CHRNA7: variants seen among roughly 807,000 people sequenced by gnomAD.
CHRNA7 encodes the protein cholinergic receptor nicotinic alpha 7 subunit.
Under a neutral mutation model 48.0 loss-of-function variants are expected in CHRNA7, and 17 were observed. That is an observed-to-expected ratio of 0.35 (90% CI 0.24 to 0.53). CHRNA7 has a LOEUF of 0.53. CHRNA7 is among the 20% of genes least tolerant of loss of function. The pLI, the probability that CHRNA7 is intolerant of heterozygous loss-of-function variation, is 0.92. For missense variants in CHRNA7, 155 were observed against 577.7 expected (o/e 0.27, Z 7.50); for synonymous variants, 75 against 242.3 (o/e 0.31, Z 6.41).
intron 2 of CHRNA7, among the ~76,000 whole-genome samples, chr15:32,066,751 AT>A (rs2141212147): frequency 6.6e-6 from 1 of 152,330 alleles, no homozygotes; most frequent in African/African-American, 2.4e-5. Context: ...TAAACCAGTT[AT>A]TTTATATATG....
At chr15:32,113,933 G>A (rs1267561512) in intron 4 of CHRNA7, among the ~76,000 whole-genome samples, 2 of 150,522 alleles carry the variant, frequency 1.3e-5, no homozygotes, top group Non-Finnish European at 3.0e-5. Context: ...AGGAGGCTGA[G>A]GTAGAAGGAT....
At chr15:32,150,165 C>T (rs2051594038) in intron 4 of CHRNA7, among the ~76,000 whole-genome samples, 1 of 152,170 alleles carries the variant, frequency 6.6e-6, no homozygotes, top group Admixed American at 6.5e-5. Flanking sequence ...AATCCTCCTG[C>T]CTCAGCCTCC....
At chr15:32,042,754 T>G (rs1172076925) in intron 2 of CHRNA7, among the ~76,000 whole-genome samples, 1 of 152,200 alleles carries the variant, frequency 6.6e-6, no homozygotes, top group Admixed American at 6.5e-5. Flanking sequence ...CCCTCTTAGT[T>G]GGGCTCCAAG....
chr15:32,051,149 G>A (rs547160351), intron 2 of CHRNA7, among the ~76,000 whole-genome samples: 3 of 150,576 alleles, frequency 2.0e-5, no homozygotes, highest in African/African-American at 7.2e-5. Flanking sequence ...CTCCAGCTGC[G>A]TGCTGGGAGA....
intron 2 of CHRNA7, among the ~76,000 whole-genome samples, chr15:32,056,925 C>T (rs138615124): frequency 2.6e-5 from 4 of 152,256 alleles, no homozygotes; most frequent in Non-Finnish European, 5.9e-5. Context: ...AAGAACAATT[C>T]ATGAATCAAG....
intron 4 of CHRNA7, among the ~76,000 whole-genome samples, chr15:32,114,077 C>CATATATATATATAT (rs781409368): frequency 0.14 from 12,678 of 93,522 alleles, 696 homozygotes; most frequent in Middle Eastern, 0.22. Flanking sequence ...TATATATATA[C>CATATATATATATAT]ACATACATAC....
chr15:32,038,700 T>TC (rs1164425748), intron 2 of CHRNA7, among the ~76,000 whole-genome samples: 1 of 152,182 alleles, frequency 6.6e-6, no homozygotes, highest in East Asian at 1.9e-4. Flanking sequence ...GAATCTGTGT[T>TC]CATCAGTGAT....
chr15:32,035,674 T>C (rs1902050724), intron 2 of CHRNA7, among the ~76,000 whole-genome samples: 1 of 152,204 alleles, frequency 6.6e-6, no homozygotes, highest in Non-Finnish European at 1.5e-5. Flanking sequence ...TTTAAAATGC[T>C]ACAACTCCAA....
At chr15:32,140,880 A>C (rs1175512697) in intron 4 of CHRNA7, among the ~76,000 whole-genome samples, 1 of 151,936 alleles carries the variant, frequency 6.6e-6, no homozygotes, top group Non-Finnish European at 1.5e-5. Context: ...TTGCCTGTTC[A>C]CTCTGATGAT....
Position 32,101,350 on chromosome 15 carries a change from A to G in CHRNA7, c.240+3A>G. ...CCACCAACATTTGGCTGCAAATGGT[A>G]AGTTAAGAGAATGACAATCTCTCCC... On this transcript the variant is annotated splice_donor_region_variant and intron_variant, in intron 3 of 9. Coordinates refer to ENST00000306901, the MANE Select transcript of CHRNA7 (RefSeq NM_000746.6). 1 of 1,590,618 alleles carries G rather than the reference A, an allele frequency of 6.3e-7. No homozygotes were observed. Among genetic ancestry groups the G allele is most frequent in the Non-Finnish European group, 8.5e-7 (1 of 1,172,300 alleles).
At chr15:32,151,679 A>G (rs2051632882) in intron 4 of CHRNA7, among the ~76,000 whole-genome samples, 1 of 152,168 alleles carries the variant, frequency 6.6e-6, no homozygotes, top group Non-Finnish European at 1.5e-5. Flanking sequence ...TTCATAAATC[A>G]TACCTTTAAT....
rs187002029 is a variant in CHRNA7 at position 32,081,558 on chromosome 15, G to A, written c.196-19745G>A. Among the ~76,000 whole-genome samples the A allele has an allele frequency of 1.5e-3, 227 of 151,824 alleles. 1 individual carries two copies. The highest frequency in any genetic ancestry group is 2.5e-3 in the Non-Finnish European group (172 of 67,904). ...ATACTCTATTGTTTGAATATTAGTC[G>A]TTTTTCTAGGTATTATATTATTTAT... is the stretch of plus-strand genomic sequence containing the variant. On this transcript the variant is annotated intron_variant, in intron 2 of 9. Coordinates refer to ENST00000306901, the MANE Select transcript of CHRNA7 (RefSeq NM_000746.6).
chr15:32,096,172 A>C (rs935416381), intron 2 of CHRNA7, among the ~76,000 whole-genome samples: 1 of 152,242 alleles, frequency 6.6e-6, no homozygotes, highest in East Asian at 1.9e-4. Flanking sequence ...CGTGAAGCCA[A>C]AATGCGTTGT....
intron 4 of CHRNA7, among the ~76,000 whole-genome samples, chr15:32,123,992 A>C (rs905276323): frequency 1.4e-4 from 21 of 151,752 alleles, no homozygotes; most frequent in Non-Finnish European, 1.3e-4. Flanking sequence ...ACAGCCTACA[A>C]AAAACCAGAA....
chr15:32,045,966 A>G (rs1031935058), intron 2 of CHRNA7, among the ~76,000 whole-genome samples: 7 of 150,584 alleles, frequency 4.6e-5, no homozygotes, highest in South Asian at 4.3e-4. Context: ...ATGATTTCCA[A>G]TTTCATCCAT....
At chr15:32,114,103 TAC>T (rs1487689702) in intron 4 of CHRNA7, among the ~76,000 whole-genome samples, 4 of 141,468 alleles carry the variant, frequency 2.8e-5, no homozygotes, top group East Asian at 2.0e-4. Flanking sequence ...CACACACATA[TAC>T]ACACACACAT....
chr15:32,060,076 C>G (rs1416904887), intron 2 of CHRNA7, among the ~76,000 whole-genome samples: 1 of 149,386 alleles, frequency 6.7e-6, no homozygotes, highest in Non-Finnish European at 1.5e-5. Flanking sequence ...AAATCAAACT[C>G]TAAGCAGAAT....
At position 32,107,702 on chromosome 15, in the gene CHRNA7, G is replaced by A. The variant is rs2050693967; in HGVS notation, c.241-4088G>A. ...CGCGGAGCTGTTGTCGTAACTTCTC[G>A]CCAGTGGCCACCTTCCCTGCAAGTG... On this transcript the variant is annotated intron_variant, in intron 3 of 9. Transcript: ENST00000306901. Among the ~76,000 whole-genome samples the A allele has an allele frequency of 3.3e-5, 5 of 152,154 alleles. No homozygotes were observed. In the South Asian group the frequency reaches 1.0e-3, roughly 31 times the overall value.
At chr15:32,113,392 G>A (rs2141282539) in intron 4 of CHRNA7, among the ~76,000 whole-genome samples, 1 of 152,260 alleles carries the variant, frequency 6.6e-6, no homozygotes, top group South Asian at 2.1e-4. Flanking sequence ...ACACTCTGAG[G>A]CACCAGGTAT....
Sources: allele counts gnomAD v4.1 joint callset (sites outside exome capture counted in the v4.1 genomes callset), GRCh38; gene constraint gnomAD v4.1.1; transcripts MANE v1.5; gene names NCBI Gene and HGNC (gene_info 2026-07-23, HGNC 2026-07-21).